The following CCAR1 variants were observed in gnomAD, a reference collection of about 807,000 sequenced individuals.
CCAR1 encodes cell division cycle and apoptosis regulator protein 1.
Under a neutral mutation model 163.8 loss-of-function variants are expected in CCAR1, and 78 were observed. That is an observed-to-expected ratio of 0.48 (90% CI 0.40 to 0.57). The LOEUF (loss-of-function observed/expected upper bound fraction) is 0.57, where lower values mean the gene tolerates loss of function less well. Among genes scored for constraint, CCAR1 ranks in the 20% least tolerant of loss-of-function variants. The probability of loss-of-function intolerance (pLI) is 0.00; values close to 1 mark genes in which losing one functional copy is unlikely to be tolerated. For missense variants in CCAR1, 1,019 were observed against 1,365.2 expected (o/e 0.75, Z 4.00); for synonymous variants, 443 against 460.7 (o/e 0.96, Z 0.49).
chr10:68,758,647 GTATA>G (rs145079985), intron 15 of CCAR1, among the ~76,000 whole-genome samples: 2 of 124,392 alleles, frequency 1.6e-5, no homozygotes, highest in African/African-American at 3.0e-5. Flanking sequence ...ATACACACGT[GTATA>G]TATATATATA....
chr10:68,752,061 C>G (rs762727611), intron 10 of CCAR1, among the ~76,000 whole-genome samples: 31 of 150,816 alleles, frequency 2.1e-4, no homozygotes, highest in Middle Eastern at 6.8e-3. Context: ...GGACTACAGG[C>G]GCCCGCTACC....
In CCAR1 at chr10:68,771,339, G is replaced by A; in HGVS notation, c.2432G>A (p.Arg811Lys). The change falls in exon 18 of 25, where the codon AGA becomes AAA. Residue 811 changes from arginine to lysine, a missense_variant. Coordinates refer to ENST00000265872, the MANE Select transcript of CCAR1 (RefSeq NM_018237.4). The stretch of plus-strand genomic sequence containing the variant: ...GATAAAAAAAGCAAAAAAGATGAGA[G>A]AAAAGATAAAAAAGAAGAAAGAGAT... The part of the protein sequence containing the change: ...EKDKKSKKDE[R>K]KDKKEERDDE... 6.2e-7 allele frequency: 1 copy of A among 1,606,184 alleles called. No homozygotes were observed. Among genetic ancestry groups the A allele is most frequent in the Non-Finnish European group, 8.5e-7 (1 of 1,175,666 alleles).
At chr10:68,783,518 G>C (rs2056761183) in intron 19 of CCAR1, among the ~76,000 whole-genome samples, 1 of 151,938 alleles carries the variant, frequency 6.6e-6, no homozygotes, top group Non-Finnish European at 1.5e-5. Context: ...CAGCCCTGGG[G>C]ATATCCCATA....
At chr10:68,778,980 AG>A (rs1376915681) in intron 19 of CCAR1, among the ~76,000 whole-genome samples, 2 of 152,132 alleles carry the variant, frequency 1.3e-5, no homozygotes, top group African/African-American at 4.8e-5. Flanking sequence ...CCTCCTGAGT[AG>A]CTGGGATCAC....
chr10:68,758,562 T>C (rs577414116), intron 15 of CCAR1, among the ~76,000 whole-genome samples: 8 of 150,848 alleles, frequency 5.3e-5, no homozygotes, highest in African/African-American at 2.0e-4. Flanking sequence ...TGTATACATA[T>C]ATATATGTAC....
At position 68,790,730 on chromosome 10, in the gene CCAR1, C is replaced by G. The variant is rs558944743; in HGVS notation, c.3394-477C>G. 3.2e-3 allele frequency among the ~76,000 whole-genome samples: 489 copies of G among 151,746 alleles called. 3 individuals are homozygous for G. Among genetic ancestry groups the G allele is most frequent in the African/African-American group, 0.011 (464 of 41,390 alleles). ...TTTTTTTAGAGACAGGGTTTCAGAC[C>G]GGGCGCGGTGGCTCATGCCTGTAAT... On this transcript the variant is annotated intron_variant, in intron 24 of 24. Coordinates refer to ENST00000265872, the MANE Select transcript of CCAR1 (RefSeq NM_018237.4).
chr10:68,766,227 G>T, intron 17 of CCAR1, 148 bp downstream of exon 17: 1 of 601,514 alleles, frequency 1.7e-6, no homozygotes, highest in East Asian at 2.9e-5. Context: ...TTTTGAGACA[G>T]AGTTTCACTC....
chr10:68,763,567 C>A (rs1385891956), intron 16 of CCAR1, among the ~76,000 whole-genome samples: 1 of 152,170 alleles, frequency 6.6e-6, no homozygotes, highest in African/African-American at 2.4e-5. Context: ...TGTACCTCAG[C>A]CTCCCGAGTA....
intron 6 of CCAR1, among the ~76,000 whole-genome samples, chr10:68,744,987 TA>T (rs1290902417): frequency 3.4e-5 from 5 of 148,428 alleles, no homozygotes; most frequent in Non-Finnish European, 7.5e-5. Flanking sequence ...CACTTCTGGC[TA>T]TTTAATTAAA....
chr10:68,784,999 G>C (rs1241205716), intron 19 of CCAR1, among the ~76,000 whole-genome samples: 2 of 144,552 alleles, frequency 1.4e-5, no homozygotes, highest in East Asian at 4.1e-4. Context: ...CTCACTACAA[G>C]CTCCGCCTCC....
chr10:68,788,211 C>A lies in CCAR1; in HGVS notation c.3070C>A (p.Leu1024Ile). Reference sequence around the variant, plus strand: ...AAAGGATGTGGAAGAAAATGTTGGCCTCATTGTGTACAATGGTGCAATGGT... The same window carrying A: ...AAAGGATGTGGAAGAAAATGTTGGCATCATTGTGTACAATGGTGCAATGGT... ...ESKDVEENVG[L>I]IVYNGAMVDV... The change falls in exon 23 of 25, where the codon CTC becomes ATC. Residue 1024 changes from leucine to isoleucine, a missense_variant. Around this residue, in one of 4 missense-constraint regions of CCAR1, gnomAD observed 358 missense variants for 406.4 expected, o/e 0.88. Transcript: ENST00000265872. 6.3e-7 allele frequency: 1 copy of A among 1,599,502 alleles called. No homozygotes were observed.
chr10:68,772,116 C>T (rs1007518876), intron 18 of CCAR1, among the ~76,000 whole-genome samples: 1 of 152,030 alleles, frequency 6.6e-6, no homozygotes, highest in Non-Finnish European at 1.5e-5. Flanking sequence ...TGACCTCAAG[C>T]GCTCTGCCCA....
At chr10:68,763,965 T>C (rs994693160) in intron 16 of CCAR1, among the ~76,000 whole-genome samples, 2 of 152,216 alleles carry the variant, frequency 1.3e-5, no homozygotes, top group Admixed American at 6.5e-5. Flanking sequence ...TGAAGAATGG[T>C]ATTTAGAATC....
At chr10:68,745,993 G>A (rs1198809101) in intron 6 of CCAR1, among the ~76,000 whole-genome samples, 12 of 151,626 alleles carry the variant, frequency 7.9e-5, no homozygotes, top group Non-Finnish European at 1.8e-4. Flanking sequence ...TTTATTTTGA[G>A]ATGGAGTCTC....
intron 2 of CCAR1, among the ~76,000 whole-genome samples, chr10:68,728,878 C>T (rs2055988738): frequency 6.6e-6 from 1 of 151,696 alleles, no homozygotes; most frequent in Non-Finnish European, 1.5e-5. Flanking sequence ...TCACTTGAAC[C>T]CAGAGACAGG....
chr10:68,757,920 T>C (rs1000575540), intron 15 of CCAR1, among the ~76,000 whole-genome samples: 1 of 152,012 alleles, frequency 6.6e-6, no homozygotes, highest in African/African-American at 2.4e-5. Flanking sequence ...GTTTTGTATT[T>C]TTAGTAGAGA....
At chr10:68,723,960 A>G (rs2055901467) in intron 2 of CCAR1, among the ~76,000 whole-genome samples, 1 of 150,460 alleles carries the variant, frequency 6.6e-6, no homozygotes. Flanking sequence ...GGAGTTCAAG[A>G]CCAGCCTGAC....
At chr10:68,764,013 C>T (rs1296169408) in intron 16 of CCAR1, among the ~76,000 whole-genome samples, 1 of 152,134 alleles carries the variant, frequency 6.6e-6, no homozygotes, top group Non-Finnish European at 1.5e-5. Flanking sequence ...CTGCTCCCAA[C>T]CCCTTTCAGT....
chr10:68,729,914 A>G (rs575444021), intron 2 of CCAR1, among the ~76,000 whole-genome samples: 1 of 86,438 alleles, frequency 1.2e-5, no homozygotes, highest in African/African-American at 5.2e-5. Context: ...TTTCAGAAAG[A>G]TGACTCACTT....
Sources: gnomAD v4.1 joint callset for allele counts (sites outside exome capture counted in the v4.1 genomes callset) on GRCh38, gnomAD v4.1.1 for gene constraint, gnomAD v4.1.1 regional missense constraint, MANE v1.5 for transcripts, NCBI Gene and HGNC (gene_info 2026-07-23, HGNC 2026-07-21) for gene names.